GLI2: variants seen among roughly 807,000 people sequenced by gnomAD.
GLI2 encodes the protein transcription activator GLI2.
Under a neutral mutation model 78.9 loss-of-function variants are expected in GLI2, and 22 were observed. The observed-to-expected ratio is 0.28, with a 90% CI of 0.20 to 0.40. The LOEUF is 0.40. Ranked by LOEUF, GLI2 falls within the 10% of genes least tolerant of loss-of-function variation. GLI2 has a pLI of 1.00. For synonymous variants in GLI2, 974 were observed against 963.7 expected (o/e 1.01, Z -0.20); for missense variants, 2,097 against 2,213.2 (o/e 0.95, Z 1.05).
At chr2:120,779,508 T>A (rs564274258) in intron 1 of GLI2, among the ~76,000 whole-genome samples, 9 of 152,276 alleles carry the variant, frequency 5.9e-5, no homozygotes, top group Admixed American at 4.6e-4. Flanking sequence ...GAGAAGGAAC[T>A]AGGGTGGGTC....
chr2:120,913,067 A>C (rs745967457), intron 2 of GLI2, among the ~76,000 whole-genome samples: 1 of 152,254 alleles, frequency 6.6e-6, no homozygotes, highest in Non-Finnish European at 1.5e-5. Context: ...GCGACCAAAT[A>C]GAAGTCTGTA....
rs1324833568 is a variant in GLI2 at position 120,831,112 on chromosome 2, CCT to C, written c.148+33651_148+33652del. On this transcript the variant is annotated intron_variant, in intron 2 of 13. Transcript: ENST00000361492. ...CATTCTCTCTCTCTCTTTCTGTCATCCTCTCTCTTTCTGTGTCATTCTCCATG... is the reference window on the plus strand; with the variant it reads ...CATTCTCTCTCTCTCTTTCTGTCATCCTCTCTTTCTGTGTCATTCTCCATG... Among the ~76,000 whole-genome samples the C allele has an allele frequency of 1.5e-4, 23 of 151,626 alleles. No homozygotes were observed. The South Asian group carries it at 3.6e-3, about 23-fold the overall frequency.
intron 5 of GLI2, among the ~76,000 whole-genome samples, chr2:120,966,947 G>T (rs2105007922): frequency 6.6e-6 from 1 of 152,376 alleles, no homozygotes; most frequent in East Asian, 1.9e-4. Flanking sequence ...CCAAGAGGCT[G>T]TGTGTACTGT....
chr2:120,958,343 G>A (rs1257351367), intron 5 of GLI2, among the ~76,000 whole-genome samples: 1 of 152,148 alleles, frequency 6.6e-6, no homozygotes, highest in Non-Finnish European at 1.5e-5. Flanking sequence ...GCAGGATTCT[G>A]TATCTTCATT....
At chr2:120,898,216 A>ACACACACAC (rs1558867030) in intron 2 of GLI2, among the ~76,000 whole-genome samples, 13 of 151,198 alleles carry the variant, frequency 8.6e-5, no homozygotes, top group African/African-American at 2.7e-4. Context: ...ACACACACAC[A>ACACACACAC]AAATGATTGT....
chr2:120,967,870 C>T (rs1295462068), intron 5 of GLI2, among the ~76,000 whole-genome samples: 1 of 152,244 alleles, frequency 6.6e-6, no homozygotes, highest in Non-Finnish European at 1.5e-5. Flanking sequence ...TCCTCGTGTC[C>T]TCCCTGCCCT....
chr2:120,952,875 G>A (rs911461617), intron 4 of GLI2, among the ~76,000 whole-genome samples: 2 of 152,222 alleles, frequency 1.3e-5, no homozygotes, highest in Non-Finnish European at 2.9e-5. Flanking sequence ...CCCATGATGG[G>A]CTGACCAAGA....
chr2:120,982,845 C>T lies in GLI2; in HGVS notation c.1597C>T (p.Arg533Cys), dbSNP rs564753456. The change falls in exon 11 of 14, where the codon CGC becomes TGC. Residue 533 changes from arginine (R) to cysteine (C), a missense_variant. This residue lies in a region of GLI2 where 104 missense variants were observed against 190.6 expected (regional missense o/e 0.55). Coordinates refer to ENST00000361492, the MANE Select transcript of GLI2 (RefSeq NM_001374353.1). ...CAAAGCCTTCTCCAACGCCTCGGAC[C>T]GCGCCAAGCACCAGAATCGCACCCA... ...CNKAFSNASD[R>C]AKHQNRTHSN... 7 of 1,614,090 alleles carry T rather than the reference C, an allele frequency of 4.3e-6. No homozygotes were observed. The highest frequency in any genetic ancestry group is 1.3e-5 in the African/African-American group (1 of 75,054).
At chr2:120,780,765 C>G (rs750429319) in intron 1 of GLI2, among the ~76,000 whole-genome samples, 1 of 152,224 alleles carries the variant, frequency 6.6e-6, no homozygotes. Flanking sequence ...AACTCTGGAG[C>G]TTGCCAGTCT....
chr2:120,870,593 T>G (rs1429341034), intron 2 of GLI2, among the ~76,000 whole-genome samples: 1 of 152,188 alleles, frequency 6.6e-6, no homozygotes, highest in Non-Finnish European at 1.5e-5. Context: ...ACTTCACGGA[T>G]AGCGCTGGCT....
chr2:120,908,636 G>C (rs1361160188), intron 2 of GLI2, among the ~76,000 whole-genome samples: 1 of 152,158 alleles, frequency 6.6e-6, no homozygotes, highest in Admixed American at 6.5e-5. Flanking sequence ...CAACAGACCT[G>C]GCCACTGCTT....
chr2:120,921,128 C>T (rs972132004), intron 2 of GLI2, among the ~76,000 whole-genome samples: 2 of 152,128 alleles, frequency 1.3e-5, no homozygotes, highest in African/African-American at 4.8e-5. Flanking sequence ...TGAATGTTTC[C>T]ATCGGGGGCT....
At chr2:120,768,193 G>A (rs531592515) in intron 1 of GLI2, among the ~76,000 whole-genome samples, 247 of 152,352 alleles carry the variant, frequency 1.6e-3, no homozygotes, top group African/African-American at 5.7e-3. Context: ...TTTACCCGGC[G>A]TCGGCTGCCA....
Position 120,988,561 on chromosome 2 carries a change from C to G in GLI2, c.2596C>G (p.Pro866Ala). Residue 866 changes from proline to alanine, a missense_variant, in exon 14 of 14, where the codon CCG becomes GCG. This residue lies in a region of GLI2 where 1,290 missense variants were observed against 1,261.7 expected (regional missense o/e 1.02). Transcript: ENST00000361492. Reference sequence around the variant, plus strand: ...CGGCTCCGGGCTGCTCAACCTCACGCCGGCGCAGCAGTACAGCCTGCGGGC... The same window carrying G: ...CGGCTCCGGGCTGCTCAACCTCACGGCGGCGCAGCAGTACAGCCTGCGGGC... ...SGGSGLLNLT[P>A]AQQYSLRAKY... 7 of 1,499,926 alleles carry G rather than the reference C, an allele frequency of 4.7e-6. No individual in the cohort carries two copies. The highest frequency in any genetic ancestry group is 2.9e-5 in the African/African-American group (2 of 68,964). 92.9% of individuals were successfully genotyped at this position (1,499,926 alleles called of 1,614,324 possible). A position where few individuals can be genotyped will look rare whatever the true frequency, so the allele number is the denominator to read the frequency against.
intron 2 of GLI2, among the ~76,000 whole-genome samples, chr2:120,821,462 T>C (rs1308059572): frequency 2.0e-5 from 3 of 152,002 alleles, no homozygotes; most frequent in Non-Finnish European, 4.4e-5. Context: ...AGGAGGGAGT[T>C]TGGTCTCATT....
intron 2 of GLI2, among the ~76,000 whole-genome samples, chr2:120,922,232 A>AGCTTT (rs1470095032): frequency 1.3e-5 from 2 of 152,228 alleles, no homozygotes; most frequent in African/African-American, 4.8e-5. Flanking sequence ...TCTAGATGAC[A>AGCTTT]GCTATTCATA....
chr2:120,765,370 G>A (rs1215084671), intron 1 of GLI2, among the ~76,000 whole-genome samples: 1 of 152,256 alleles, frequency 6.6e-6, no homozygotes, highest in African/African-American at 2.4e-5. Context: ...GCCTCTTCAT[G>A]CCTTTGCATG....
At chr2:120,793,462 T>G (rs1684240287) in intron 1 of GLI2, among the ~76,000 whole-genome samples, 1 of 152,202 alleles carries the variant, frequency 6.6e-6, no homozygotes, top group African/African-American at 2.4e-5. Flanking sequence ...CCGCTTTGGC[T>G]GCAGGGCTTG....
chr2:120,848,222 A>G (rs1687216531), intron 2 of GLI2, among the ~76,000 whole-genome samples: 1 of 152,200 alleles, frequency 6.6e-6, no homozygotes, highest in Non-Finnish European at 1.5e-5. Context: ...GCCTGGTTGC[A>G]ATAGTCCTGG....
Sources: allele counts gnomAD v4.1 joint callset (sites outside exome capture counted in the v4.1 genomes callset), GRCh38; gene constraint gnomAD v4.1.1; regional missense constraint gnomAD v4.1.1; transcripts MANE v1.5; gene names NCBI Gene and HGNC (gene_info 2026-07-23, HGNC 2026-07-21).